CDC42SE2: variants seen among roughly 807,000 people sequenced by gnomAD.
The protein encoded by CDC42SE2 is CDC42 small effector protein 2.
CDC42SE2 carries 3 observed loss-of-function variants against 11.5 expected under a neutral mutation model. The ratio of observed to expected loss-of-function variants is 0.26; its 90% CI spans 0.12 to 0.67. The LOEUF (loss-of-function observed/expected upper bound fraction) is 0.67. Ranked by LOEUF, CDC42SE2 falls within the 30% of genes least tolerant of loss-of-function variation. The pLI, the probability that CDC42SE2 is intolerant of heterozygous loss-of-function variation, is 0.80. For synonymous variants in CDC42SE2, 33 were observed against 34.8 expected (o/e 0.95, Z 0.18); for missense variants, 82 against 106.8 (o/e 0.77, Z 1.02).
In CDC42SE2 at chr5:131,280,900, G is replaced by C. The variant is rs141455634; in HGVS notation, c.-455+16734G>C. On this transcript the variant is annotated intron_variant, in intron 1 of 4. Transcript: ENST00000505065. ...GAGAATGAGGAGTGAAATAGTTCTT[G>C]GAAAAATTTTAGCATGTAAGAATTC... Among the ~76,000 whole-genome samples, 1,111 of 152,094 alleles carry C rather than the reference G, an allele frequency of 7.3e-3. 15 individuals are homozygous for C. The highest frequency in any genetic ancestry group is 0.026 in the African/African-American group (1,065 of 41,486).
rs1757043021 is a variant in CDC42SE2 at position 131,273,736 on chromosome 5, G to A, written c.-455+9570G>A. On this transcript the variant is annotated intron_variant, in intron 1 of 4. Transcript: ENST00000505065. ...TGCAGTGAGCCAAGATCGCACCACTGCACTCCAGCCTGGCGACAGAGACTC... is the reference window on the plus strand; with the variant it reads ...TGCAGTGAGCCAAGATCGCACCACTACACTCCAGCCTGGCGACAGAGACTC... Among the ~76,000 whole-genome samples, 7 of 149,758 alleles carry A rather than the reference G, an allele frequency of 4.7e-5. No homozygotes were observed. In the South Asian group the frequency reaches 1.5e-3, roughly 32 times the overall value.
chr5:131,377,135 G>C (rs1463949682), intron 3 of CDC42SE2, among the ~76,000 whole-genome samples: 1 of 151,146 alleles, frequency 6.6e-6, no homozygotes, highest in Non-Finnish European at 1.5e-5. Context: ...CCTTTTCTCT[G>C]CAGCCTCACC....
chr5:131,390,324 T>C (rs1225952636), intron 4 of CDC42SE2, among the ~76,000 whole-genome samples: 4 of 152,220 alleles, frequency 2.6e-5, no homozygotes, highest in Non-Finnish European at 5.9e-5. Flanking sequence ...GATTCTTTAC[T>C]AAGTAATTGA....
chr5:131,237,850 C>G, the CDC42SE2 span, among the ~76,000 whole-genome samples: 7 of 152,304 alleles, frequency 4.6e-5, no homozygotes, highest in South Asian at 1.2e-3. Context: ...CCTTGGCCCC[C>G]CAAAGCACTG....
intron 2 of CDC42SE2, among the ~76,000 whole-genome samples, chr5:131,350,486 GTTTC>G (rs1267876104): frequency 1.3e-5 from 2 of 151,954 alleles, no homozygotes; most frequent in African/African-American, 2.4e-5. Flanking sequence ...ATAAAGAAAT[GTTTC>G]TTAAGTAAGA....
chr5:131,225,276 G>A, the CDC42SE2 span, among the ~76,000 whole-genome samples: 10 of 152,338 alleles, frequency 6.6e-5, no homozygotes, highest in East Asian at 1.5e-3. Context: ...ACAGTTATTT[G>A]TGTGAGAGCT....
chr5:131,279,117 A>T (rs1757178246), intron 1 of CDC42SE2, among the ~76,000 whole-genome samples: 1 of 152,100 alleles, frequency 6.6e-6, no homozygotes. Context: ...TTAGTCTAGT[A>T]GAATTACTTA....
intron 1 of CDC42SE2, among the ~76,000 whole-genome samples, chr5:131,303,856 G>A (rs1424731071): frequency 6.6e-6 from 1 of 152,092 alleles, no homozygotes; most frequent in African/African-American, 2.4e-5. Flanking sequence ...CTTTAAAAAT[G>A]CATTCTTGTC....
chr5:131,292,387 G>A (rs1222299856), intron 1 of CDC42SE2, among the ~76,000 whole-genome samples: 1 of 147,376 alleles, frequency 6.8e-6, no homozygotes, highest in Non-Finnish European at 1.5e-5. Context: ...GGCCAACATG[G>A]TGAAAACCCA....
At chr5:131,346,999 T>A (rs1240781378) in intron 2 of CDC42SE2, among the ~76,000 whole-genome samples, 1 of 152,002 alleles carries the variant, frequency 6.6e-6, no homozygotes, top group Non-Finnish European at 1.5e-5. Context: ...TTTAAAGCAG[T>A]GTGTAGAGGG....
intron 2 of CDC42SE2, among the ~76,000 whole-genome samples, chr5:131,327,315 C>T (rs1212752208): frequency 6.6e-6 from 1 of 152,154 alleles, no homozygotes; most frequent in Non-Finnish European, 1.5e-5. Flanking sequence ...TGTCTCCTGA[C>T]TCCCCATCCC....
chr5:131,253,814 T>A (rs1198464388), intron 1 of CDC42SE2, among the ~76,000 whole-genome samples: 3 of 152,222 alleles, frequency 2.0e-5, no homozygotes, highest in Non-Finnish European at 1.5e-5. Context: ...GATACTTTTC[T>A]AGGAAACTTT....
intron 3 of CDC42SE2, among the ~76,000 whole-genome samples, chr5:131,377,018 C>T (rs189466248): frequency 1.1e-3 from 173 of 152,084 alleles, no homozygotes; most frequent in African/African-American, 4.0e-3. Context: ...GTAAGGGGGT[C>T]CTGGGTCAAA....
At position 131,315,960 on chromosome 5, in the gene CDC42SE2, A is replaced by G. The variant is rs1323008809; in HGVS notation, c.-454-16A>G. 2 of 152,288 alleles carry G rather than the reference A, an allele frequency of 1.3e-5. No individual in the cohort carries two copies. Among genetic ancestry groups the G allele is most frequent in the Non-Finnish European group, 2.9e-5 (2 of 68,020 alleles). The allele number at this position is 152,288 out of a possible 1,614,324, so 9.4% of individuals were successfully genotyped here. On this transcript the variant is annotated splice_polypyrimidine_tract_variant and intron_variant, in intron 1 of 4. Transcript: ENST00000505065. ...CTGTAGCTTTTTGCCTCCTAATTGC[A>G]TGCTTTCATTTGCAGATAGGGCCAG...
At chr5:131,335,365 C>T (rs898052230) in intron 2 of CDC42SE2, among the ~76,000 whole-genome samples, 2 of 151,658 alleles carry the variant, frequency 1.3e-5, no homozygotes, top group African/African-American at 2.4e-5. Flanking sequence ...TTTCCATTTG[C>T]TGAGGAGTGC....
rs139648278 is a variant in CDC42SE2 at position 131,257,571 on chromosome 5, A to C, written n.242+2342A>C. On this transcript the variant is annotated intron_variant and non_coding_transcript_variant, in intron 2 of 3. Transcript: ENST00000502840. The stretch of plus-strand genomic sequence containing the variant: ...TGGCTCACTGCAACCTCTGCCTCCC[A>C]GGTTCAAGCGATTCTCCTGCCTCAG... Among the ~76,000 whole-genome samples, 497 of 149,872 alleles carry C rather than the reference A, an allele frequency of 3.3e-3. 6 individuals carry two copies. Among genetic ancestry groups the C allele is most frequent in the African/African-American group, 0.012 (488 of 40,500 alleles).
At chr5:131,358,929 G>T (rs954505631) in intron 2 of CDC42SE2, among the ~76,000 whole-genome samples, 1 of 152,122 alleles carries the variant, frequency 6.6e-6, no homozygotes, top group African/African-American at 2.4e-5. Flanking sequence ...TCTAATTAGT[G>T]ATTTTTAAAA....
chr5:131,386,764 A>ATGT (rs1750499642), intron 4 of CDC42SE2, among the ~76,000 whole-genome samples: 1 of 152,246 alleles, frequency 6.6e-6, no homozygotes, highest in Non-Finnish European at 1.5e-5. Flanking sequence ...CCTAAAGTAA[A>ATGT]CAAGTATAAA....
chr5:131,310,272 A>T (rs1418099798), intron 1 of CDC42SE2, among the ~76,000 whole-genome samples: 1 of 151,830 alleles, frequency 6.6e-6, no homozygotes, highest in Non-Finnish European at 1.5e-5. Flanking sequence ...TGAGATTCTT[A>T]ATCCTGAGTT....
Sources: allele counts gnomAD v4.1 joint callset (sites outside exome capture counted in the v4.1 genomes callset), GRCh38; gene constraint gnomAD v4.1.1; transcripts MANE v1.5; gene names NCBI Gene and HGNC (gene_info 2026-07-23, HGNC 2026-07-21).